ABCA12: variants seen among roughly 807,000 people sequenced by gnomAD.
ABCA12 encodes ATP binding cassette subfamily A member 12.
A neutral mutation model predicts 293.5 loss-of-function variants in ABCA12; 156 were observed. That is an observed-to-expected ratio of 0.53 (90% confidence interval 0.47 to 0.61). The LOEUF is 0.61. ABCA12 is among the 20% of genes least tolerant of loss of function. The probability of loss-of-function intolerance (pLI) is 0.00; values close to 1 mark genes in which losing one functional copy is unlikely to be tolerated. For synonymous variants in ABCA12, 1,063 were observed against 1,108.0 expected (o/e 0.96, Z 0.81); for missense variants, 2,797 against 3,090.2 (o/e 0.91, Z 2.25).
intron 23 of ABCA12, among the ~76,000 whole-genome samples, chr2:214,992,463 A>G (rs1293180481): frequency 4.4e-3 from 4 of 900 alleles, no homozygotes; most frequent in Non-Finnish European, 0.056. Flanking sequence ...AAAAAAAATG[A>G]AAAAAAAAAA....
chr2:215,089,136 A>G (rs1702092174), intron 2 of ABCA12, among the ~76,000 whole-genome samples: 1 of 152,152 alleles, frequency 6.6e-6, no homozygotes, highest in Admixed American at 6.5e-5. Flanking sequence ...AGCAATAACT[A>G]AAGTAGATTA....
At chr2:215,018,466 T>A (rs945907189) in intron 13 of ABCA12, among the ~76,000 whole-genome samples, 5 of 152,222 alleles carry the variant, frequency 3.3e-5, no homozygotes, top group African/African-American at 1.2e-4. Context: ...TCCATTTGAT[T>A]TAAAATATCA....
chr2:214,934,778 T>C (rs1224811375), intron 51 of ABCA12, among the ~76,000 whole-genome samples: 1 of 152,198 alleles, frequency 6.6e-6, no homozygotes, highest in East Asian at 1.9e-4. Context: ...TCTAGTTGCC[T>C]TGGAGTATCT....
intron 2 of ABCA12, among the ~76,000 whole-genome samples, chr2:215,074,956 A>AAAATAAAT (rs562224081): frequency 1.3e-5 from 2 of 151,986 alleles, no homozygotes; most frequent in Non-Finnish European, 2.9e-5. Context: ...AATAAAAATA[A>AAAATAAAT]AAATAAATAA....
chr2:214,997,875 AATAT>A, intron 22 of ABCA12, 66 bp from the exon 23 acceptor site: 1 of 962,436 alleles, frequency 1.0e-6, no homozygotes, highest in Non-Finnish European at 1.7e-6. Context: ...CAGAGATTAT[AATAT>A]ATAAAGAACT....
chr2:215,066,427 T>C (rs1290647302), intron 2 of ABCA12, among the ~76,000 whole-genome samples: 1 of 151,790 alleles, frequency 6.6e-6, no homozygotes, highest in African/African-American at 2.4e-5. Context: ...AGAAAAGCCA[T>C]ATTGCAATAC....
intron 48 of ABCA12, among the ~76,000 whole-genome samples, chr2:214,946,515 G>A (rs1252213960): frequency 6.6e-6 from 1 of 152,054 alleles, no homozygotes; most frequent in Non-Finnish European, 1.5e-5. Flanking sequence ...TATAAGCATC[G>A]ATTGGCAGAG....
intron 33 of ABCA12, 146 bp from the exon 34 acceptor site, chr2:214,976,183 C>A: frequency 8.5e-7 from 1 of 1,177,686 alleles, no homozygotes; most frequent in Non-Finnish European, 1.2e-6. Flanking sequence ...AATGTTATTT[C>A]TCAGCCTTAG....
chr2:214,968,613 C>T, intron 38 of ABCA12, 107 bp downstream of exon 38: 1 of 1,089,352 alleles, frequency 9.2e-7, no homozygotes, highest in Non-Finnish European at 1.4e-6. Flanking sequence ...ATGCACAATG[C>T]CAAATCGATT....
chr2:215,106,075 A>G (rs1048150946), intron 2 of ABCA12, among the ~76,000 whole-genome samples: 3 of 152,174 alleles, frequency 2.0e-5, no homozygotes, highest in African/African-American at 7.2e-5. Flanking sequence ...CCTTGTCCTC[A>G]CTTCCCTGAA....
intron 48 of ABCA12, 108 bp from the exon 49 acceptor site, chr2:214,945,212 G>T: frequency 1.1e-6 from 1 of 882,670 alleles, no homozygotes; most frequent in Non-Finnish European, 1.8e-6. Context: ...ACTTTTCGAG[G>T]TCCTGTGACT....
intron 44 of ABCA12, 73 bp downstream of exon 44, chr2:214,953,781 A>T: frequency 6.4e-7 from 1 of 1,565,504 alleles, no homozygotes; most frequent in Non-Finnish European, 8.7e-7. Flanking sequence ...AGCTTAGACT[A>T]TTGACTTCTT....
intron 2 of ABCA12, among the ~76,000 whole-genome samples, chr2:215,075,144 A>T (rs1432721027): frequency 6.6e-6 from 1 of 152,022 alleles, no homozygotes; most frequent in Admixed American, 6.6e-5. Flanking sequence ...GCTAATCCTT[A>T]GCAGAAGGGA....
intron 2 of ABCA12, among the ~76,000 whole-genome samples, chr2:215,087,268 A>G (rs958117950): frequency 6.6e-6 from 1 of 152,166 alleles, no homozygotes; most frequent in African/African-American, 2.4e-5. Context: ...TTGTCTATTA[A>G]GATGAACCTG....
intron 35 of ABCA12, 127 bp downstream of exon 35, chr2:214,974,651 A>T: frequency 1.1e-6 from 1 of 890,146 alleles, no homozygotes; most frequent in Non-Finnish European, 1.9e-6. Flanking sequence ...AAAATCTGTT[A>T]AACAGGGATT....
chr2:214,933,646 C>G (rs1485424149), intron 52 of ABCA12, among the ~76,000 whole-genome samples: 1 of 152,098 alleles, frequency 6.6e-6, no homozygotes, highest in Non-Finnish European at 1.5e-5. Context: ...CTGCATTTAC[C>G]ACTTTAATTG....
In ABCA12 at chr2:214,997,750, A is replaced by G. The variant is rs772422192; in HGVS notation, c.3239T>C (p.Phe1080Ser). Residue 1080 changes from phenylalanine (F) to serine (S), a missense_variant, in exon 23 of 53, where the codon TTT becomes TCT. Transcript: ENST00000272895. ...AAGCTTTTTTACAAAGGCAGCTATA[A>G]ATACAACCCAGGCAACCATAAGCAC... ...PIVLMVAWVV[F>S]IAAFVKKLVY... The G allele has an allele frequency of 3.8e-5, 61 of 1,613,718 alleles. No homozygotes were observed. Among genetic ancestry groups the G allele is most frequent in the Non-Finnish European group, 5.2e-5 (61 of 1,179,756 alleles).
At chr2:214,989,643 A>G (rs760366185) in intron 24 of ABCA12, 22 bp from the exon 25 acceptor site, 1 of 1,613,028 alleles carries the variant, frequency 6.2e-7, no homozygotes, top group Non-Finnish European at 8.5e-7. Context: ...GGAAACGGCA[A>G]TGATAGTTCT....
At chr2:214,974,125 G>C in intron 35 of ABCA12, 83 bp from the exon 36 acceptor site, 2 of 1,237,144 alleles carry the variant, frequency 1.6e-6, no homozygotes, top group Admixed American at 3.5e-5. Flanking sequence ...ACAAGTATTT[G>C]GTATTAAGTT....
Sources: allele counts gnomAD v4.1 joint callset (sites outside exome capture counted in the v4.1 genomes callset), GRCh38; gene constraint gnomAD v4.1.1; transcripts MANE v1.5; gene names NCBI Gene and HGNC (gene_info 2026-07-23, HGNC 2026-07-21).